ARHGEF26: variants seen among roughly 807,000 people sequenced by gnomAD.
The protein encoded by ARHGEF26 is Rho guanine nucleotide exchange factor (GEF) 26.
Under a neutral mutation model 89.4 loss-of-function variants are expected in ARHGEF26, and 59 were observed. That is an observed-to-expected ratio of 0.66 (90% CI 0.54 to 0.82). The LOEUF is 0.82. Ranked by LOEUF, ARHGEF26 falls within the 40% of genes least tolerant of loss-of-function variation. The probability of loss-of-function intolerance (pLI) is 0.00; values close to 1 mark genes in which losing one functional copy is unlikely to be tolerated. For synonymous variants in ARHGEF26, 500 were observed against 428.4 expected (o/e 1.17, Z -2.06); for missense variants, 1,234 against 1,085.6 (o/e 1.14, Z -1.92).
intron 9 of ARHGEF26, among the ~76,000 whole-genome samples, chr3:154,203,850 CT>C (rs78946220): frequency 0.016 from 2,298 of 141,296 alleles, 33 homozygotes; most frequent in African/African-American, 0.048. Flanking sequence ...GATAATCTCT[CT>C]TTTTTTTTTT....
intron 6 of ARHGEF26, among the ~76,000 whole-genome samples, chr3:154,178,721 A>G (rs768349677): frequency 1.3e-5 from 2 of 151,998 alleles, no homozygotes; most frequent in Non-Finnish European, 2.9e-5. Context: ...TTCGATTTTT[A>G]TTTCCCTCGG....
intron 9 of ARHGEF26, among the ~76,000 whole-genome samples, chr3:154,195,508 G>C (rs1202733180): frequency 1.3e-5 from 2 of 152,138 alleles, no homozygotes; most frequent in Non-Finnish European, 2.9e-5. Context: ...ATGATGGTAA[G>C]GTGGTGAGAA....
At chr3:154,153,889 T>C (rs1399543697) in intron 6 of ARHGEF26, among the ~76,000 whole-genome samples, 2 of 152,136 alleles carry the variant, frequency 1.3e-5, no homozygotes, top group African/African-American at 4.8e-5. Flanking sequence ...GTCTGCACAT[T>C]AAAACTTTCC....
At chr3:154,211,867 A>ATATGTGTGTG (rs112715929) in intron 9 of ARHGEF26, among the ~76,000 whole-genome samples, 1 of 151,028 alleles carries the variant, frequency 6.6e-6, no homozygotes, top group Non-Finnish European at 1.5e-5. Flanking sequence ...GTATATATAT[A>ATATGTGTGTG]TGTGTGTGTG....
chr3:154,218,666 G>A (rs1361416756), intron 10 of ARHGEF26, among the ~76,000 whole-genome samples: 2 of 152,130 alleles, frequency 1.3e-5, no homozygotes, highest in Admixed American at 1.3e-4. Context: ...CCTAGTAAAA[G>A]TGTTTCTATT....
chr3:154,201,592 A>G (rs1260474966), intron 9 of ARHGEF26, among the ~76,000 whole-genome samples: 7 of 151,754 alleles, frequency 4.6e-5, no homozygotes, highest in East Asian at 1.9e-4. Context: ...GACTTCCACA[A>G]TGGTTGAACT....
chr3:154,127,870 G>A (rs1190395002), intron 3 of ARHGEF26, among the ~76,000 whole-genome samples: 1 of 152,060 alleles, frequency 6.6e-6, no homozygotes, highest in Non-Finnish European at 1.5e-5. Flanking sequence ...TATAACATAT[G>A]GGACCACCGT....
intron 9 of ARHGEF26, among the ~76,000 whole-genome samples, chr3:154,207,864 A>C (rs931399927): frequency 2.0e-5 from 3 of 152,248 alleles, no homozygotes; most frequent in Non-Finnish European, 4.4e-5. Context: ...CATCAGTGAT[A>C]GACTGGATAA....
chr3:154,241,488 T>A (rs1576821135), intron 12 of ARHGEF26, among the ~76,000 whole-genome samples: 1 of 152,346 alleles, frequency 6.6e-6, no homozygotes, highest in East Asian at 1.9e-4. Context: ...ATCTTCACCT[T>A]AAGACTGATT....
At position 154,155,873 on chromosome 3, in the gene ARHGEF26, G is replaced by GTA. The variant is rs536819238; in HGVS notation, c.1487+2944_1487+2945dup. Among the ~76,000 whole-genome samples, 756 of 152,038 alleles carry GTA rather than the reference G, an allele frequency of 5.0e-3. 7 individuals carry two copies. Among genetic ancestry groups the GTA allele is most frequent in the African/African-American group, 0.018 (739 of 41,506 alleles). On this transcript the variant is annotated intron_variant, in intron 6 of 14. Transcript: ENST00000465093. ...ATATGGTTTTAGTTTAATAAGCTATGTATACCTATATAATGTACGATTATT... is the reference window on the plus strand; with the variant it reads ...ATATGGTTTTAGTTTAATAAGCTATGTATATACCTATATAATGTACGATTATT...
At chr3:154,186,136 G>GACACAC (rs60675240) in intron 6 of ARHGEF26, among the ~76,000 whole-genome samples, 22,739 of 146,780 alleles carry the variant, frequency 0.15, 2,019 homozygotes, top group East Asian at 0.34. Context: ...CACACACTTA[G>GACACAC]ACACACACAC....
chr3:154,225,863 C>T lies in ARHGEF26; in HGVS notation c.1943C>T (p.Pro648Leu). ...GTTTTTCTCCTTTTGTAGCCTTTTC[C>T]TTTAGTCTCCTCTTCCCGGTGGTTG... ...SQLEFKIKPF[P>L]LVSSSRWLVK... The change falls in exon 11 of 15, where the codon CCT becomes CTT. Residue 648 changes from proline to leucine, a missense_variant. Transcript: ENST00000465093. The T allele has an allele frequency of 3.8e-6, 6 of 1,593,978 alleles. No homozygotes were observed. Among genetic ancestry groups the T allele is most frequent in the African/African-American group, 1.4e-5 (1 of 73,442 alleles).
intron 4 of ARHGEF26, among the ~76,000 whole-genome samples, 176 bp from the exon 5 acceptor site, chr3:154,149,213 T>C (rs967360249): frequency 1.5e-4 from 20 of 133,576 alleles, no homozygotes; most frequent in Non-Finnish European, 3.0e-4. Flanking sequence ...TGGCACACTA[T>C]AAATATTTAT....
intron 9 of ARHGEF26, among the ~76,000 whole-genome samples, chr3:154,196,047 GATA>G (rs1454420527): frequency 1.3e-5 from 2 of 150,102 alleles, no homozygotes; most frequent in Non-Finnish European, 3.0e-5. Flanking sequence ...GATAAAGTGG[GATA>G]ATGATTGAAG....
At chr3:154,147,254 T>C (rs992958685) in intron 4 of ARHGEF26, among the ~76,000 whole-genome samples, 7 of 152,062 alleles carry the variant, frequency 4.6e-5, no homozygotes, top group Admixed American at 3.3e-4. Flanking sequence ...AAAATACAAA[T>C]ATTAGCCAGG....
chr3:154,176,738 A>G (rs1347022884), intron 6 of ARHGEF26, among the ~76,000 whole-genome samples: 1 of 152,234 alleles, frequency 6.6e-6, no homozygotes, highest in Non-Finnish European at 1.5e-5. Context: ...TTTCAGAGAA[A>G]AAGGGTAATG....
intron 6 of ARHGEF26, among the ~76,000 whole-genome samples, chr3:154,159,895 G>A (rs1301905645): frequency 6.6e-6 from 1 of 152,078 alleles, no homozygotes; most frequent in Non-Finnish European, 1.5e-5. Flanking sequence ...AACATTTTAA[G>A]TTGTAGAACC....
In ARHGEF26 at chr3:154,246,392, A is replaced by G. The variant is rs144684266; in HGVS notation, c.2300+5813A>G. ...GCAACAAAGTCCAGTTTGTCTTCAG[A>G]GCTACCCCAGTGCTGTCTGTGGGCC... On this transcript the variant is annotated intron_variant, in intron 12 of 14. Coordinates refer to ENST00000465093, the MANE Select transcript of ARHGEF26 (RefSeq NM_015595.4). Among the ~76,000 whole-genome samples the G allele has an allele frequency of 1.5e-3, 229 of 152,298 alleles. 1 individual carries two copies. The highest frequency in any genetic ancestry group is 5.4e-3 in the African/African-American group (225 of 41,560).
intron 4 of ARHGEF26, among the ~76,000 whole-genome samples, chr3:154,132,730 AAT>A (rs987934113): frequency 3.9e-5 from 6 of 151,988 alleles, no homozygotes; most frequent in African/African-American, 1.2e-4. Flanking sequence ...GTAATATATA[AAT>A]ATATATGTGT....
Sources: gnomAD v4.1 joint callset for allele counts (sites outside exome capture counted in the v4.1 genomes callset) on GRCh38, gnomAD v4.1.1 for gene constraint, MANE v1.5 for transcripts, NCBI Gene and HGNC (gene_info 2026-07-23, HGNC 2026-07-21) for gene names.